The following DNAH17 variants were observed in gnomAD, a reference collection of about 807,000 sequenced individuals.
DNAH17 encodes the protein dynein axonemal heavy chain 17.
DNAH17 carries 376 observed loss-of-function variants against 485.6 expected under a neutral mutation model. That is an observed-to-expected ratio of 0.77 (90% CI 0.71 to 0.84). The LOEUF is 0.84. Among genes scored for constraint, DNAH17 ranks in the 40% least tolerant of loss-of-function variants. The probability of loss-of-function intolerance (pLI) is 0.00; values close to 1 mark genes in which losing one functional copy is unlikely to be tolerated. For missense variants in DNAH17, 6,370 were observed against 5,839.3 expected (o/e 1.09, Z -2.96); for synonymous variants, 3,031 against 2,405.9 (o/e 1.26, Z -7.60).
At chr17:78,543,383 C>T (rs1034091908) in intron 17 of DNAH17, among the ~76,000 whole-genome samples, 3 of 151,950 alleles carry the variant, frequency 2.0e-5, no homozygotes, top group South Asian at 2.1e-4. Flanking sequence ...CTCCGCTTCC[C>T]GGGTTCACGC....
intron 53 of DNAH17, 37 bp downstream of exon 53, chr17:78,475,632 G>A (rs368658393): frequency 4.7e-5 from 75 of 1,610,554 alleles, no homozygotes; most frequent in Non-Finnish European, 6.2e-5. Flanking sequence ...ACCCGGTCCA[G>A]GTCCCGTGCC....
rs1459975690 is a variant in DNAH17, at chr17:78,490,851, G to A, written c.6670-4C>T. 3 of 1,592,656 alleles carry A rather than the reference G, an allele frequency of 1.9e-6. No individual in the cohort carries two copies. The highest frequency in any genetic ancestry group is 2.7e-5 in the African/African-American group (2 of 74,544). ...CGTTGCTGGCCAGGGTGAGGACCTA[G>A]GAGGGGGACAGCAGCCCGTGGGGTC... On this transcript the variant is annotated splice_polypyrimidine_tract_variant and splice_region_variant and intron_variant, in intron 43 of 80. Transcript: ENST00000389840.
intron 70 of DNAH17, 74 bp downstream of exon 70, chr17:78,445,484 A>G (rs2087245463): frequency 2.0e-6 from 3 of 1,512,700 alleles, no homozygotes; most frequent in Non-Finnish European, 8.9e-7. Flanking sequence ...GGCCTTGGAA[A>G]CATCCGCAGC....
At chr17:78,487,975 G>A (rs898079771) in intron 44 of DNAH17, among the ~76,000 whole-genome samples, 4 of 152,296 alleles carry the variant, frequency 2.6e-5, no homozygotes, top group South Asian at 2.1e-4. Flanking sequence ...GTCCCTAAGC[G>A]AATCAGGGTG....
rs753717974 is a variant in DNAH17, at chr17:78,453,470, G to A, written c.10407-5C>T. The A allele has an allele frequency of 3.6e-5, 58 of 1,613,606 alleles. No individual in the cohort carries two copies. Among genetic ancestry groups the A allele is most frequent in the Admixed American group, 1.2e-4 (7 of 59,994 alleles). Reference sequence around the variant, plus strand: ...TGCTCGATGACATCCAGGTAGCTGCGGGCACAACACGGAAGCTGGTTCATG... The same window carrying A: ...TGCTCGATGACATCCAGGTAGCTGCAGGCACAACACGGAAGCTGGTTCATG... On this transcript the variant is annotated splice_polypyrimidine_tract_variant and splice_region_variant and intron_variant, in intron 64 of 80. Transcript: ENST00000389840.
At chr17:78,446,885 C>G (rs189146331) in intron 69 of DNAH17, among the ~76,000 whole-genome samples, 9 of 152,292 alleles carry the variant, frequency 5.9e-5, no homozygotes, top group Admixed American at 5.9e-4. Context: ...CTCAAGTGAT[C>G]TGCCCACCTT....
At chr17:78,460,060 C>A in intron 59 of DNAH17, 59 bp from the exon 60 acceptor site, 1 of 1,596,650 alleles carries the variant, frequency 6.3e-7, no homozygotes, top group Non-Finnish European at 8.5e-7. Context: ...TCGGTGATGC[C>A]CCGAAGAAGC....
intron 69 of DNAH17, among the ~76,000 whole-genome samples, chr17:78,446,198 A>AAAAAAAAC (rs56257434): frequency 6.7e-6 from 1 of 149,462 alleles, no homozygotes; most frequent in Admixed American, 6.7e-5. Context: ...AAAAAAAAAA[A>AAAAAAAAC]TTGACAATTG....
At chr17:78,446,173 CAAAAAAA>C (rs1157464118) in intron 69 of DNAH17, among the ~76,000 whole-genome samples, 831 of 57,402 alleles carry the variant, frequency 0.014, 12 homozygotes, top group Non-Finnish European at 0.019. Flanking sequence ...GACTCTGTCT[CAAAAAAA>C]AAAAAAAAAA....
rs755087331 is a variant in DNAH17 at position 78,525,160 on chromosome 17, T to C, written c.3713A>G (p.Gln1238Arg). Residue 1238 changes from glutamine (Q) to arginine (R), a missense_variant and splice_region_variant, in exon 25 of 81, where the codon CAA becomes CGA. Gln to Arg is a conservative substitution (Grantham distance 43). Coordinates refer to ENST00000389840, the MANE Select transcript of DNAH17 (RefSeq NM_173628.4). Reference protein sequence around the residue: ...DPNPYKSLNKQQKSISAMEGI... With the variant: ...DPNPYKSLNKRQKSISAMEGI... Reference sequence around the variant, plus strand: ...TTCCATGGCGGAGATGCTCTTTTGTTGCTAGGGGCGGCGAGGGGGCCGTCA... The same window carrying C: ...TTCCATGGCGGAGATGCTCTTTTGTCGCTAGGGGCGGCGAGGGGGCCGTCA... 3 of 1,612,310 alleles carry C rather than the reference T, an allele frequency of 1.9e-6. No individual in the cohort carries two copies.
chr17:78,560,992 G>A lies in DNAH17; in HGVS notation c.1836-57C>T, dbSNP rs563835009. On this transcript the variant is annotated intron_variant, in intron 12 of 80. Coordinates refer to ENST00000389840, the MANE Select transcript of DNAH17 (RefSeq NM_173628.4). ...TGGATATCTCCTGTGGGGTGTCTTC[G>A]GCACGTCCCATCGTTGCTGCCCGAT... 3.3e-5 allele frequency: 49 copies of A among 1,486,530 alleles called. No homozygotes were observed. The Middle Eastern group carries it at 5.1e-4, about 16-fold the overall frequency. 92.1% of individuals were successfully genotyped at this position (1,486,530 alleles called of 1,614,324 possible). A position where few individuals can be genotyped will look rare whatever the true frequency, so the allele number is the denominator to read the frequency against.
intron 16 of DNAH17, among the ~76,000 whole-genome samples, chr17:78,546,907 G>T (rs935635269): frequency 8.5e-5 from 5 of 58,980 alleles, no homozygotes; most frequent in Non-Finnish European, 1.9e-4. Flanking sequence ...TCCATCTCAA[G>T]AAAGAAAAAA....
At chr17:78,543,298 T>G (rs1188738113) in intron 17 of DNAH17, among the ~76,000 whole-genome samples, 2 of 151,084 alleles carry the variant, frequency 1.3e-5, no homozygotes, top group Non-Finnish European at 3.0e-5. Flanking sequence ...TTTTTTTTTT[T>G]TTTGAGACGG....
chr17:78,507,811 G>T lies in DNAH17; in HGVS notation c.4237-6C>A, dbSNP rs749850020. 5 of 1,544,062 alleles carry T rather than the reference G, an allele frequency of 3.2e-6. No individual in the cohort carries two copies. Among genetic ancestry groups the T allele is most frequent in the East Asian group, 2.4e-5 (1 of 42,522 alleles). On this transcript the variant is annotated splice_polypyrimidine_tract_variant and splice_region_variant and intron_variant, in intron 27 of 80. Transcript: ENST00000389840. ...CTGTCCAGGGCTTTCAGCACCTTTT[G>T]GGGGAACAGAAAAATAAGGTCACTG...
At chr17:78,505,838 C>T (rs533838201) in intron 30 of DNAH17, among the ~76,000 whole-genome samples, 7 of 152,156 alleles carry the variant, frequency 4.6e-5, no homozygotes, top group South Asian at 2.1e-4. Context: ...CTTAGCCAGA[C>T]GTGGTGGTGC....
At chr17:78,548,148 CCT>C (rs1330515632) in intron 16 of DNAH17, among the ~76,000 whole-genome samples, 1 of 150,860 alleles carries the variant, frequency 6.6e-6, no homozygotes, top group African/African-American at 2.4e-5. Context: ...TCTCTGCTTT[CCT>C]CTCATTCTGT....
chr17:78,466,868 C>G, intron 55 of DNAH17, 52 bp from the exon 56 acceptor site: 1 of 1,465,870 alleles, frequency 6.8e-7, no homozygotes, highest in Non-Finnish European at 9.1e-7. Context: ...AGTGCTGGGG[C>G]CTAATCCATC....
At chr17:78,478,735 CAT>C in intron 51 of DNAH17, 1 of 373,118 alleles carries the variant, frequency 2.7e-6, no homozygotes, top group African/African-American at 2.8e-5. Flanking sequence ...TCATCACCAC[CAT>C]CATCACCATC....
At chr17:78,494,458 G>C (rs940445188) in intron 40 of DNAH17, 135 bp downstream of exon 40, 119 of 1,080,560 alleles carry the variant, frequency 1.1e-4, no homozygotes, top group Non-Finnish European at 2.5e-5. Context: ...GGAGGCAGCT[G>C]TGGCTCAGAG....
Sources: allele counts gnomAD v4.1 joint callset (sites outside exome capture counted in the v4.1 genomes callset), GRCh38; gene constraint gnomAD v4.1.1; transcripts MANE v1.5; gene names NCBI Gene and HGNC (gene_info 2026-07-23, HGNC 2026-07-21).